SIMC1: variants seen among roughly 807,000 people sequenced by gnomAD.
SIMC1 encodes SUMO interacting motifs containing 1, also known as SUMO-interacting motif-containing protein 1.
A neutral mutation model predicts 82.3 loss-of-function variants in SIMC1; 55 were observed. The observed-to-expected ratio is 0.67, with a 90% CI of 0.54 to 0.84. The LOEUF (loss-of-function observed/expected upper bound fraction) is 0.84. SIMC1 is among the 40% of genes least tolerant of loss of function. The pLI is 0.00. For missense variants in SIMC1, 915 were observed against 1,107.2 expected, an observed-to-expected ratio of 0.83 and a Z score of 2.46; for synonymous variants, 353 against 426.3, an observed-to-expected ratio of 0.83 and a Z score of 2.12.
At chr5:176,267,851 G>T (rs1225400664) in intron 1 of SIMC1, among the ~76,000 whole-genome samples, 1 of 108,786 alleles carries the variant, frequency 9.2e-6, no homozygotes, top group Non-Finnish European at 1.7e-5. Context: ...AACCTCCCAG[G>T]TTCAAGCAAT....
At chr5:176,282,170 C>G (rs1449288286) in intron 1 of SIMC1, among the ~76,000 whole-genome samples, 1 of 152,248 alleles carries the variant, frequency 6.6e-6, no homozygotes, top group Non-Finnish European at 1.5e-5. Flanking sequence ...TGCCGCCTTG[C>G]AGTTTGATCT....
At chr5:176,341,639 T>G (rs536253857) in intron 9 of SIMC1, among the ~76,000 whole-genome samples, 1 of 152,272 alleles carries the variant, frequency 6.6e-6, no homozygotes, top group South Asian at 2.1e-4. Context: ...GGCTCTTAAG[T>G]GACTGAGTCT....
intron 1 of SIMC1, among the ~76,000 whole-genome samples, chr5:176,265,532 A>T (rs1762172444): frequency 6.6e-6 from 1 of 152,118 alleles, no homozygotes; most frequent in Non-Finnish European, 1.5e-5. Flanking sequence ...CTGGTTTCTG[A>T]GCTTTCTTTG....
Position 176,322,333 on chromosome 5 carries a change from TG to T in SIMC1, c.1952del (p.Gly651GlufsTer11). The part of the protein sequence containing the change: ...TEDGLTQPPN[G>X]NQTSSGTGIL... ...AAGATGGATTGACTCAGCCCCCAAATGGAAATCAAACGTCTTCAGGAACAGG... is the reference window on the plus strand; with the variant it reads ...AAGATGGATTGACTCAGCCCCCAAATGAAATCAAACGTCTTCAGGAACAGG... On this transcript the variant is annotated frameshift_variant, in exon 6 of 10. Coordinates refer to ENST00000429602, the MANE Select transcript of SIMC1 (RefSeq NM_001308195.2). LOFTEE classifies it high-confidence loss of function. The T allele has an allele frequency of 2.5e-6, 4 of 1,592,754 alleles. No individual in the cohort carries two copies. Among genetic ancestry groups the T allele is most frequent in the Non-Finnish European group, 3.4e-6 (4 of 1,169,378 alleles).
At chr5:176,272,656 C>G (rs187249031) in intron 1 of SIMC1, among the ~76,000 whole-genome samples, 1 of 152,138 alleles carries the variant, frequency 6.6e-6, no homozygotes, top group Admixed American at 6.5e-5. Flanking sequence ...GCCTGAGAAG[C>G]GCAAAGGGTC....
intron 3 of SIMC1, among the ~76,000 whole-genome samples, chr5:176,295,672 G>T (rs1182285369): frequency 6.7e-6 from 1 of 150,182 alleles, no homozygotes; most frequent in Non-Finnish European, 1.5e-5. Context: ...AGTTCTGTTT[G>T]GGGCCGCATG....
At position 176,290,919 on chromosome 5, in the gene SIMC1, C is replaced by G; in HGVS notation, c.1395C>G (p.Phe465Leu). 6.2e-7 allele frequency: 1 copy of G among 1,607,432 alleles called. No individual in the cohort carries two copies. Among genetic ancestry groups the G allele is most frequent in the Non-Finnish European group, 8.5e-7 (1 of 1,176,066 alleles). Residue 465 changes from phenylalanine (F) to leucine (L), a missense_variant, in exon 2 of 10, where the codon TTC (phenylalanine) becomes TTG (leucine). By Grantham distance (22) the Phe-to-Leu change is conservative (BLOSUM62 0). Coordinates refer to ENST00000429602, the MANE Select transcript of SIMC1 (RefSeq NM_001308195.2). Reference protein sequence around the residue: ...YFLRPPVHHLFFQTLIPDKDT... With the variant: ...YFLRPPVHHLLFQTLIPDKDT... ...TACGTCCTCCGGTTCATCACCTCTT[C>G]TTTCAGACGCTAATACCGGATAAAG... is the stretch of plus-strand genomic sequence containing the variant.
At chr5:176,308,184 A>G in intron 4 of SIMC1, 1 of 1,327,446 alleles carries the variant, frequency 7.5e-7, no homozygotes, top group Non-Finnish European at 1.1e-6. Context: ...TGGATAGGGG[A>G]GTTGAACAAT....
chr5:176,284,169 G>C (rs1241119435), intron 1 of SIMC1, among the ~76,000 whole-genome samples: 3 of 152,164 alleles, frequency 2.0e-5, no homozygotes, highest in African/African-American at 7.2e-5. Flanking sequence ...TCTGTACCAA[G>C]CGGACCTACT....
chr5:176,273,651 C>T (rs918491724), intron 1 of SIMC1, among the ~76,000 whole-genome samples: 8 of 151,036 alleles, frequency 5.3e-5, no homozygotes, highest in African/African-American at 1.5e-4. Flanking sequence ...CTATCCCTCC[C>T]CCCTCACCTC....
chr5:176,332,738 A>G (rs1765719045), intron 7 of SIMC1, among the ~76,000 whole-genome samples: 1 of 152,172 alleles, frequency 6.6e-6, no homozygotes, highest in African/African-American at 2.4e-5. Flanking sequence ...ACTTTATTCA[A>G]TATTAAAATT....
chr5:176,310,129 G>C (rs1319253469), intron 4 of SIMC1, among the ~76,000 whole-genome samples: 1 of 152,080 alleles, frequency 6.6e-6, no homozygotes, highest in Non-Finnish European at 1.5e-5. Context: ...TATCTGAATG[G>C]CTAAAGAAAA....
At chr5:176,271,052 C>T (rs1383418655) in intron 1 of SIMC1, among the ~76,000 whole-genome samples, 1 of 152,154 alleles carries the variant, frequency 6.6e-6, no homozygotes, top group Non-Finnish European at 1.5e-5. Flanking sequence ...GCACAACTCA[C>T]AGCACCGGGA....
intron 7 of SIMC1, among the ~76,000 whole-genome samples, chr5:176,333,724 C>G (rs1765769674): frequency 1.3e-5 from 2 of 152,182 alleles, no homozygotes; most frequent in African/African-American, 4.8e-5. Flanking sequence ...GCCACTGTAC[C>G]TGGCCTAAAT....
At position 176,273,773 on chromosome 5, in the gene SIMC1, C is replaced by T. The variant is rs113505218; in HGVS notation, c.130-15881C>T. Among the ~76,000 whole-genome samples, 66 of 152,074 alleles carry T rather than the reference C, an allele frequency of 4.3e-4. 1 individual carries two copies. The highest frequency in any genetic ancestry group is 4.2e-3 in the Admixed American group (64 of 15,282). On this transcript the variant is annotated intron_variant, in intron 1 of 9. Coordinates refer to ENST00000429602, the MANE Select transcript of SIMC1 (RefSeq NM_001308195.2). ...TGCGGTGTTTGGTTTTTTGTTCTTG[C>T]GATAGTTTACTGAGAATGATGATTT... is the stretch of plus-strand genomic sequence containing the variant.
At chr5:176,315,513 G>A (rs1764861043) in intron 5 of SIMC1, among the ~76,000 whole-genome samples, 2 of 152,176 alleles carry the variant, frequency 1.3e-5, no homozygotes, top group Admixed American at 1.3e-4. Flanking sequence ...ATCATAGGTT[G>A]AGCATCCGAA....
intron 7 of SIMC1, among the ~76,000 whole-genome samples, chr5:176,326,111 C>T (rs996567875): frequency 1.3e-5 from 2 of 152,106 alleles, no homozygotes; most frequent in African/African-American, 4.8e-5. Context: ...AGAGTCATTG[C>T]GTAGTGGTGA....
At chr5:176,272,906 G>A (rs1391834833) in intron 1 of SIMC1, among the ~76,000 whole-genome samples, 1 of 152,218 alleles carries the variant, frequency 6.6e-6, no homozygotes, top group Non-Finnish European at 1.5e-5. Flanking sequence ...TGCCATTGCT[G>A]AGGCTTGAGT....
chr5:176,344,928 A>AT lies in SIMC1; in HGVS notation c.2414-254dup, dbSNP rs1370051985. 2.6e-5 allele frequency among the ~76,000 whole-genome samples: 4 copies of AT among 152,166 alleles called. No individual in the cohort carries two copies. The South Asian group carries it at 8.3e-4, about 31-fold the overall frequency. Reference sequence around the variant, plus strand: ...AGTATTTTCATTTTTTGACCATGTTATGTGATCATAAAAAATGACACAGAT... The same window carrying AT: ...AGTATTTTCATTTTTTGACCATGTTATTGTGATCATAAAAAATGACACAGAT... On this transcript the variant is annotated intron_variant, in intron 9 of 9. Transcript: ENST00000429602.
Sources: gnomAD v4.1 joint callset for allele counts (sites outside exome capture counted in the v4.1 genomes callset) on GRCh38, gnomAD v4.1.1 for gene constraint, MANE v1.5 for transcripts, NCBI Gene and HGNC (gene_info 2026-07-23, HGNC 2026-07-21) for gene names.